MARCHF6: variants seen among roughly 807,000 people sequenced by gnomAD.
The protein encoded by MARCHF6 is E3 ubiquitin-protein ligase MARCHF6.
Under a neutral mutation model 133.7 loss-of-function variants are expected in MARCHF6, and 31 were observed. The observed-to-expected ratio is 0.23, with a 90% CI of 0.17 to 0.31. The LOEUF (loss-of-function observed/expected upper bound fraction) is 0.31. Among genes scored for constraint, MARCHF6 ranks in the 10% least tolerant of loss-of-function variants. MARCHF6 has a pLI of 1.00. For synonymous variants in MARCHF6, 395 were observed against 402.5 expected (o/e 0.98, Z 0.22); for missense variants, 723 against 1,121.6 (o/e 0.64, Z 5.08).
At chr5:10,411,174 G>A (rs1007486511) in intron 18 of MARCHF6, among the ~76,000 whole-genome samples, 159 bp from the exon 19 acceptor site, 1 of 152,094 alleles carries the variant, frequency 6.6e-6, no homozygotes, top group South Asian at 2.1e-4. Context: ...TTTAAAGTGG[G>A]TACAAACATT....
chr5:10,427,019 A>G (rs965665059), intron 24 of MARCHF6, among the ~76,000 whole-genome samples: 3 of 152,196 alleles, frequency 2.0e-5, no homozygotes, highest in African/African-American at 7.2e-5. Flanking sequence ...ATAAGCAGAG[A>G]CTTTTCCTTC....
chr5:10,410,404 A>T, intron 18 of MARCHF6, 128 bp downstream of exon 18: 1 of 1,119,412 alleles, frequency 8.9e-7, no homozygotes, highest in Non-Finnish European at 1.2e-6. Context: ...ATTTAGTAAT[A>T]TTTGCAATTG....
intron 22 of MARCHF6, among the ~76,000 whole-genome samples, chr5:10,423,412 A>C (rs1371316374): frequency 6.6e-6 from 1 of 152,256 alleles, no homozygotes; most frequent in Non-Finnish European, 1.5e-5. Context: ...AATAGCCTAA[A>C]GATAGTTTGA....
chr5:10,397,021 C>T (rs908774721), intron 9 of MARCHF6, among the ~76,000 whole-genome samples: 7 of 151,990 alleles, frequency 4.6e-5, no homozygotes, highest in South Asian at 2.1e-4. Flanking sequence ...TGTAATTTGT[C>T]GTAGATTATT....
At chr5:10,370,550 C>G (rs1281215123) in intron 1 of MARCHF6, among the ~76,000 whole-genome samples, 1 of 152,156 alleles carries the variant, frequency 6.6e-6, no homozygotes, top group African/African-American at 2.4e-5. Flanking sequence ...TTTAAATTTG[C>G]ATTTCTTGAA....
intron 3 of MARCHF6, among the ~76,000 whole-genome samples, chr5:10,380,897 A>T (rs970941589): frequency 2.6e-5 from 4 of 151,392 alleles, no homozygotes; most frequent in African/African-American, 9.7e-5. Flanking sequence ...ACCGCACTCC[A>T]GCCTGGGCAA....
At chr5:10,421,147 A>G (rs1244814498) in intron 22 of MARCHF6, among the ~76,000 whole-genome samples, 4 of 152,222 alleles carry the variant, frequency 2.6e-5, no homozygotes, top group Non-Finnish European at 4.4e-5. Flanking sequence ...CTTTGGTACT[A>G]TCAAAGTTTA....
At position 10,353,898 on chromosome 5, in the gene MARCHF6, G is replaced by A. The variant is rs1296811003; in HGVS notation, c.-1G>A. On this transcript the variant is annotated 5_prime_UTR_variant, in exon 1 of 26. Transcript: ENST00000274140. The stretch of plus-strand genomic sequence containing the variant: ...GCGTCACCGCCGCCCCCCCAGACAA[G>A]ATGGACACCGCGGAGGAAGGTAAGT... 3.8e-6 allele frequency: 6 copies of A among 1,565,316 alleles called. No homozygotes were observed. Among genetic ancestry groups the A allele is most frequent in the Non-Finnish European group, 5.2e-6 (6 of 1,160,076 alleles).
chr5:10,358,477 T>C (rs1186389775), intron 1 of MARCHF6, among the ~76,000 whole-genome samples: 1 of 152,198 alleles, frequency 6.6e-6, no homozygotes, highest in East Asian at 1.9e-4. Flanking sequence ...AATAGATGAT[T>C]ACCTCTGTAC....
intron 23 of MARCHF6, among the ~76,000 whole-genome samples, chr5:10,424,088 A>C (rs1739961431): frequency 6.6e-6 from 1 of 152,160 alleles, no homozygotes; most frequent in Admixed American, 6.5e-5. Flanking sequence ...ACAAAAGTTT[A>C]TTAAAGTACA....
intron 24 of MARCHF6, among the ~76,000 whole-genome samples, chr5:10,429,512 C>T: frequency 6.6e-6 from 1 of 151,988 alleles, no homozygotes; most frequent in East Asian, 1.9e-4. Flanking sequence ...GATTCTCCCA[C>T]CCCAGCCTCC....
At chr5:10,357,836 A>C (rs1354007728) in intron 1 of MARCHF6, among the ~76,000 whole-genome samples, 4 of 152,222 alleles carry the variant, frequency 2.6e-5, no homozygotes, top group Admixed American at 6.5e-5. Context: ...CATAGAGCTT[A>C]CATTATAGTT....
intron 1 of MARCHF6, among the ~76,000 whole-genome samples, chr5:10,372,688 A>G (rs1474596252): frequency 2.6e-5 from 4 of 152,198 alleles, no homozygotes; most frequent in Non-Finnish European, 5.9e-5. Flanking sequence ...AACACTCATT[A>G]TGTGTTAATA....
chr5:10,408,312 C>A (rs899653888), intron 17 of MARCHF6, among the ~76,000 whole-genome samples: 1 of 152,164 alleles, frequency 6.6e-6, no homozygotes, highest in African/African-American at 2.4e-5. Flanking sequence ...GATATATACA[C>A]CATTTAGAAT....
intron 19 of MARCHF6, among the ~76,000 whole-genome samples, chr5:10,411,906 T>A (rs1739252982): frequency 6.6e-6 from 1 of 152,208 alleles, no homozygotes. Context: ...TGTTTATAGC[T>A]AAGGAAACTG....
At chr5:10,398,123 C>G (rs1455976149) in intron 10 of MARCHF6, among the ~76,000 whole-genome samples, 1 of 152,160 alleles carries the variant, frequency 6.6e-6, no homozygotes, top group East Asian at 1.9e-4. Flanking sequence ...CAACATATCC[C>G]TATATAGGGA....
chr5:10,424,574 A>G (rs979112863), intron 23 of MARCHF6, among the ~76,000 whole-genome samples: 3 of 152,186 alleles, frequency 2.0e-5, no homozygotes, highest in African/African-American at 7.2e-5. Context: ...TTCATCAACC[A>G]CGTTTAAGCC....
At chr5:10,417,063 G>A (rs1443815176) in intron 21 of MARCHF6, among the ~76,000 whole-genome samples, 1 of 152,166 alleles carries the variant, frequency 6.6e-6, no homozygotes, top group Non-Finnish European at 1.5e-5. Context: ...ACTGGATTGT[G>A]AGAAAAAAAC....
rs1342654134 is a variant in MARCHF6 at position 10,405,662 on chromosome 5, ATTTAT to A, written c.1441_1445del (p.Ile481ValfsTer21). 1.3e-6 allele frequency: 2 copies of A among 1,591,590 alleles called. No homozygotes were observed. Among genetic ancestry groups the A allele is most frequent in the East Asian group, 2.3e-5 (1 of 44,276 alleles). ...TGCCAATATATAGGCATCTCCGAAG[ATTTAT>A]TTTGTCAGTGGTAAGAAGATGTTTC... On this transcript the variant is annotated frameshift_variant, in exon 16 of 26. Coordinates refer to ENST00000274140, the MANE Select transcript of MARCHF6 (RefSeq NM_005885.4). LOFTEE classifies it high-confidence loss of function.
Sources: allele counts gnomAD v4.1 joint callset (sites outside exome capture counted in the v4.1 genomes callset), GRCh38; gene constraint gnomAD v4.1.1; transcripts MANE v1.5; gene names NCBI Gene and HGNC (gene_info 2026-07-23, HGNC 2026-07-21).